Variants in RIMS2 observed in about 807,000 individuals in gnomAD.
RIMS2 encodes the protein regulating synaptic membrane exocytosis 2, also known as regulating synaptic membrane exocytosis protein 2.
In RIMS2, 59 loss-of-function variants were observed where a neutral mutation model predicts 174.4. That is an observed-to-expected ratio of 0.34 (90% CI 0.27 to 0.42). RIMS2 has a LOEUF of 0.42. Among genes scored for constraint, RIMS2 ranks in the 10% least tolerant of loss-of-function variants. RIMS2 has a pLI of 1.00. For synonymous variants in RIMS2, 606 were observed against 572.5 expected (o/e 1.06, Z -0.84); for missense variants, 1,620 against 1,666.3 (o/e 0.97, Z 0.48).
chr8:103,832,366 T>C (rs1417096876), intron 3 of RIMS2, among the ~76,000 whole-genome samples: 1 of 152,200 alleles, frequency 6.6e-6, no homozygotes, highest in East Asian at 1.9e-4. Flanking sequence ...CATGAATACA[T>C]TGTGGAACTC....
chr8:103,916,646 T>C (rs1175316218), intron 8 of RIMS2, 109 bp downstream of exon 11: 2 of 880,874 alleles, frequency 2.3e-6, no homozygotes, highest in Admixed American at 5.8e-5. Flanking sequence ...AATTATTTTG[T>C]AGACAATAAC....
intron 2 of RIMS2, among the ~76,000 whole-genome samples, chr8:103,731,150 C>T (rs1386741500): frequency 6.6e-6 from 1 of 152,150 alleles, no homozygotes; most frequent in Non-Finnish European, 1.5e-5. Flanking sequence ...TCCTATGATA[C>T]ATGGGAATTG....
chr8:104,107,909 C>CAG (rs2098104542), intron 19 of RIMS2, among the ~76,000 whole-genome samples: 2 of 151,886 alleles, frequency 1.3e-5, no homozygotes, highest in South Asian at 4.1e-4. Context: ...GTCTGGGCAA[C>CAG]AGAGAGAGAT....
chr8:103,776,259 A>G (rs1198688329), intron 3 of RIMS2, among the ~76,000 whole-genome samples: 3 of 152,124 alleles, frequency 2.0e-5, no homozygotes, highest in Admixed American at 2.0e-4. Context: ...TTGTTTAAGG[A>G]CAGGATGAAG....
chr8:103,761,460 C>G (rs910552963), intron 2 of RIMS2, among the ~76,000 whole-genome samples: 3 of 152,240 alleles, frequency 2.0e-5, no homozygotes, highest in Non-Finnish European at 2.9e-5. Context: ...GCTGAGTGCT[C>G]TCCTCCTAGT....
At chr8:103,922,077 C>G (rs973295329) in intron 10 of RIMS2, 1 of 197,472 alleles carries the variant, frequency 5.1e-6, no homozygotes, top group South Asian at 9.1e-5. Context: ...TGCTCTATAC[C>G]TTAAGATGAC....
At chr8:103,765,816 C>T (rs912319608) in intron 2 of RIMS2, among the ~76,000 whole-genome samples, 1 of 152,000 alleles carries the variant, frequency 6.6e-6, no homozygotes, top group Non-Finnish European at 1.5e-5. Flanking sequence ...ATTAAGGAAA[C>T]TAAGTTTTAT....
intron 19 of RIMS2, among the ~76,000 whole-genome samples, chr8:104,132,219 C>G (rs1210189188): frequency 6.6e-6 from 1 of 152,078 alleles, no homozygotes; most frequent in Non-Finnish European, 1.5e-5. Flanking sequence ...CTTTATTACT[C>G]TAAGCTTATT....
chr8:103,534,924 C>T (rs1839093146), intron 1 of RIMS2, among the ~76,000 whole-genome samples: 1 of 152,130 alleles, frequency 6.6e-6, no homozygotes, highest in Non-Finnish European at 1.5e-5. Context: ...TGATTTAGGC[C>T]AGTAAAAAAT....
intron 15 of RIMS2, among the ~76,000 whole-genome samples, chr8:103,969,850 T>C (rs1413455537): frequency 6.6e-6 from 1 of 152,114 alleles, no homozygotes; most frequent in African/African-American, 2.4e-5. Flanking sequence ...TGGGCTCAAG[T>C]GAGTCCCCCA....
chr8:104,232,943 C>G (rs1158332270), intron 19 of RIMS2, among the ~76,000 whole-genome samples: 1 of 151,086 alleles, frequency 6.6e-6, no homozygotes. Flanking sequence ...CAAATATCCA[C>G]TTTGTAATAT....
chr8:103,968,597 G>T (rs1358427855), intron 15 of RIMS2, among the ~76,000 whole-genome samples: 1 of 151,434 alleles, frequency 6.6e-6, no homozygotes, highest in East Asian at 1.9e-4. Context: ...TACTTCATAG[G>T]TAATGTTATA....
chr8:103,942,065 T>A (rs2082662090), intron 13 of RIMS2, among the ~76,000 whole-genome samples: 1 of 151,932 alleles, frequency 6.6e-6, no homozygotes, highest in Admixed American at 6.6e-5. Flanking sequence ...TTTCATGGGG[T>A]TTGTTGTGCA....
At position 104,219,600 on chromosome 8, in the gene RIMS2, T is replaced by A. The variant is rs960236861; in HGVS notation, c.3335-25316T>A. 1.4e-4 allele frequency among the ~76,000 whole-genome samples: 21 copies of A among 152,340 alleles called. No homozygotes were observed. The East Asian group carries it at 2.5e-3, about 18-fold the overall frequency. On this transcript the variant is annotated intron_variant, in intron 19 of 23. Transcript: ENST00000504942. ...TCCAAGTTATATCTGTTTTATCTTT[T>A]CTTCAAAAAGGTGATTTTTATGTTT...
intron 1 of RIMS2, among the ~76,000 whole-genome samples, chr8:103,598,637 A>G (rs964692715): frequency 6.6e-6 from 1 of 152,116 alleles, no homozygotes; most frequent in Non-Finnish European, 1.5e-5. Context: ...GAAGGACATT[A>G]TTATTTGTTA....
intron 19 of RIMS2, among the ~76,000 whole-genome samples, chr8:104,047,870 C>A (rs1234756367): frequency 6.6e-6 from 1 of 152,008 alleles, no homozygotes; most frequent in Non-Finnish European, 1.5e-5. Flanking sequence ...GTGGAAGGAG[C>A]AAGAGCATTG....
intron 19 of RIMS2, among the ~76,000 whole-genome samples, chr8:104,072,682 A>G (rs2097215561): frequency 6.6e-6 from 1 of 152,156 alleles, no homozygotes; most frequent in Non-Finnish European, 1.5e-5. Context: ...TACAGTTCAC[A>G]TTCTACATGG....
chr8:103,705,492 TTTG>T (rs972489253), intron 2 of RIMS2, among the ~76,000 whole-genome samples: 2 of 152,224 alleles, frequency 1.3e-5, no homozygotes, highest in East Asian at 1.9e-4. Context: ...ATTCTGATTT[TTTG>T]TTGTTGTTGC....
At chr8:104,100,978 G>GTAT (rs2097874621) in intron 19 of RIMS2, among the ~76,000 whole-genome samples, 3 of 104,364 alleles carry the variant, frequency 2.9e-5, no homozygotes, top group Admixed American at 9.8e-5. Context: ...TAGTATATAT[G>GTAT]ATATATTATA....
Sources: gnomAD v4.1 joint callset for allele counts (sites outside exome capture counted in the v4.1 genomes callset) on GRCh38, gnomAD v4.1.1 for gene constraint, MANE v1.5 for transcripts, NCBI Gene and HGNC (gene_info 2026-07-23, HGNC 2026-07-21) for gene names.